LYST: variants seen among roughly 807,000 people sequenced by gnomAD.
LYST encodes the protein lysosomal-trafficking regulator.
Under a neutral mutation model 413.6 loss-of-function variants are expected in LYST, and 192 were observed. The ratio of observed to expected loss-of-function variants is 0.46; its 90% CI spans 0.41 to 0.52. LYST has a LOEUF of 0.52. LYST is among the 20% of genes least tolerant of loss of function. LYST has a pLI of 0.00. For synonymous variants in LYST, 1,525 were observed against 1,567.3 expected (o/e 0.97, Z 0.64); for missense variants, 3,815 against 4,499.9 (o/e 0.85, Z 4.35).
intron 47 of LYST, among the ~76,000 whole-genome samples, chr1:235,687,978 C>A (rs2103061090): frequency 6.6e-6 from 1 of 152,314 alleles, no homozygotes; most frequent in South Asian, 2.1e-4. Flanking sequence ...AAATGACTTT[C>A]TCTGATCTTT....
rs1672855942 is a variant in LYST at position 235,806,551 on chromosome 1, T to C, written c.2585A>G (p.Gln862Arg). The C allele has an allele frequency of 1.2e-6, 2 of 1,614,056 alleles. No individual in the cohort carries two copies. The highest frequency in any genetic ancestry group is 1.7e-6 in the Non-Finnish European group (2 of 1,179,966). ...VHVGTSFHHQ[Q>R]AYSDSPQSLS... is the part of the protein sequence containing the mutation. ...ACTCTGAGGAGAATCTGAATAAGCT[T>C]GCTGATGATGAAAAGAAGTACCCAC... The change falls in exon 6 of 53, where the codon CAA becomes CGA. Residue 862 changes from glutamine to arginine, a missense_variant. Around this residue, in one of 4 missense-constraint regions of LYST, gnomAD observed 1,648 missense variants for 1,810.3 expected, o/e 0.91. Transcript: ENST00000389793.
intron 50 of LYST, among the ~76,000 whole-genome samples, chr1:235,676,402 C>A (rs185546119): frequency 2.6e-5 from 4 of 152,100 alleles, no homozygotes; most frequent in African/African-American, 9.7e-5. Flanking sequence ...CATAATCAAA[C>A]TGAACTTGGA....
intron 1 of LYST, among the ~76,000 whole-genome samples, chr1:235,858,837 G>A (rs1410678638): frequency 6.6e-6 from 1 of 152,024 alleles, no homozygotes; most frequent in Non-Finnish European, 1.5e-5. Context: ...CAGTCTATTT[G>A]TTTTCTGCAT....
At chr1:235,755,359 A>C in intron 25 of LYST, 119 bp downstream of exon 25, 1 of 975,500 alleles carries the variant, frequency 1.0e-6, no homozygotes, top group South Asian at 1.3e-5. Flanking sequence ...ATTGCACTCC[A>C]GCCTGGGCAA....
In LYST at chr1:235,662,691, T is replaced by C. The variant is rs771237392; in HGVS notation, c.*249A>G. 1 of 530,504 alleles carries C rather than the reference T, an allele frequency of 1.9e-6. No individual in the cohort carries two copies. The highest frequency in any genetic ancestry group is 3.4e-6 in the Non-Finnish European group (1 of 292,882). The allele number at this position is 530,504 out of a possible 1,614,324, so 32.9% of individuals were successfully genotyped here. On this transcript the variant is annotated 3_prime_UTR_variant, in exon 53 of 53. Coordinates refer to ENST00000389793, the MANE Select transcript of LYST (RefSeq NM_000081.4). ...TTAAGAATATCATTTTAATGTACCA[T>C]GCGAGGCTTAAAACTTGTTGGCTAG... is the stretch of plus-strand genomic sequence containing the variant.
upstream of LYST, among the ~76,000 whole-genome samples, chr1:235,870,542 T>C (rs370438210): frequency 1.3e-5 from 2 of 152,260 alleles, no homozygotes; most frequent in African/African-American, 4.8e-5. Flanking sequence ...CGAATTGTTT[T>C]GTGCTCAATT....
chr1:235,802,560 T>C (rs1672362849), intron 8 of LYST, among the ~76,000 whole-genome samples: 1 of 152,210 alleles, frequency 6.6e-6, no homozygotes, highest in South Asian at 2.1e-4. Flanking sequence ...AGAAAGGACT[T>C]CCCTCACCAC....
intron 24 of LYST, 126 bp downstream of exon 24, chr1:235,757,155 T>C (rs1449227866): frequency 1.6e-6 from 1 of 640,326 alleles, no homozygotes; most frequent in Non-Finnish European, 2.6e-6. Context: ...ACAAACTATA[T>C]TAGTTCATTA....
At chr1:235,762,131 A>C (rs1667658736) in intron 22 of LYST, among the ~76,000 whole-genome samples, 1 of 152,200 alleles carries the variant, frequency 6.6e-6, no homozygotes, top group South Asian at 2.1e-4. Context: ...AATTATAAAA[A>C]AAAAAGATTC....
chr1:235,805,667 T>A (rs1188608216), intron 6 of LYST, 76 bp downstream of exon 6: 1 of 692,790 alleles, frequency 1.4e-6, no homozygotes, highest in Admixed American at 2.9e-5. Flanking sequence ...CATATTACAT[T>A]TTTTATATAT....
chr1:235,809,782 G>A lies in LYST; in HGVS notation c.1036C>T (p.Pro346Ser), dbSNP rs141732234. ...SVDVSTAEMM[P>S]ENLRKNLTEL... ...GTTAAATTTTTCCTAAGATTTTCTG[G>A]CATCATCTCTGCAGTACTAACATCT... is the stretch of plus-strand genomic sequence containing the variant. Residue 346 changes from proline (P) to serine (S), a missense_variant, in exon 5 of 53, where the codon CCA (proline) becomes TCA (serine). Transcript: ENST00000389793. The surrounding 1 kb of genome is among the most constrained non-coding windows in gnomAD (Gnocchi z 4.0). 1 of 1,613,924 alleles carries A rather than the reference G, an allele frequency of 6.2e-7. No individual in the cohort carries two copies. The highest frequency in any genetic ancestry group is 8.5e-7 in the Non-Finnish European group (1 of 1,179,978).
chr1:235,845,040 T>C (rs1367570936), intron 1 of LYST, among the ~76,000 whole-genome samples: 1 of 152,056 alleles, frequency 6.6e-6, no homozygotes, highest in African/African-American at 2.4e-5. Flanking sequence ...TGGCTTGCAT[T>C]GTGAATTTGA....
chr1:235,723,766 A>T (rs1663604570), intron 39 of LYST, among the ~76,000 whole-genome samples: 1 of 152,184 alleles, frequency 6.6e-6, no homozygotes, highest in South Asian at 2.1e-4. Context: ...TTAGAGGTCA[A>T]GAGAGTTTGT....
At chr1:235,689,047 CAAT>C (rs149581246) in intron 47 of LYST, among the ~76,000 whole-genome samples, 28 of 141,456 alleles carry the variant, frequency 2.0e-4, no homozygotes, top group East Asian at 9.8e-4. Context: ...ACAACAACAA[CAAT>C]AATATCCTAG....
At chr1:235,765,318 C>T (rs1216638230) in intron 21 of LYST, among the ~76,000 whole-genome samples, 1 of 152,130 alleles carries the variant, frequency 6.6e-6, no homozygotes, top group Non-Finnish European at 1.5e-5. Context: ...TTACTATGCC[C>T]AGATTCTGTT....
At chr1:235,751,186 T>C in intron 28 of LYST, 24 bp downstream of exon 28, 2 of 1,609,610 alleles carry the variant, frequency 1.2e-6, no homozygotes, top group Non-Finnish European at 1.7e-6. Flanking sequence ...TTTATGGTTA[T>C]TAAAATATGA....
chr1:235,787,465 T>C (rs1203273337), intron 13 of LYST, 92 bp from the exon 14 acceptor site: 3 of 1,068,082 alleles, frequency 2.8e-6, no homozygotes, highest in Non-Finnish European at 4.3e-6. Context: ...TCTAAATAAG[T>C]AAGATTAAAA....
intron 3 of LYST, among the ~76,000 whole-genome samples, chr1:235,823,524 G>GT (rs1675006284): frequency 6.6e-6 from 1 of 152,156 alleles, no homozygotes; most frequent in Non-Finnish European, 1.5e-5. Context: ...TTTCCCCAAT[G>GT]TTTTCAGAAT....
chr1:235,712,496 A>C (rs1257051134), intron 42 of LYST: 2 of 617,858 alleles, frequency 3.2e-6, no homozygotes, highest in Non-Finnish European at 4.1e-6. Flanking sequence ...CCACAAAAAC[A>C]GGGCCCTGGG....
Sources: allele counts gnomAD v4.1 joint callset (sites outside exome capture counted in the v4.1 genomes callset), GRCh38; gene constraint gnomAD v4.1.1; regional missense constraint gnomAD v4.1.1; non-coding constraint Gnocchi (gnomAD v3.1); transcripts MANE v1.5; gene names NCBI Gene and HGNC (gene_info 2026-07-23, HGNC 2026-07-21).